GLIPR1L1: variants seen among roughly 807,000 people sequenced by gnomAD.
The protein encoded by GLIPR1L1 is GLIPR1 like 1.
In GLIPR1L1, 26 loss-of-function variants were observed where a neutral mutation model predicts 29.9. The observed-to-expected ratio is 0.87, with a 90% CI of 0.64 to 1.21. The LOEUF (loss-of-function observed/expected upper bound fraction) is 1.21. Ranked by LOEUF, GLIPR1L1 falls within the 50% of genes most tolerant of loss-of-function variation. GLIPR1L1 has a pLI of 0.00. For synonymous variants in GLIPR1L1, 77 were observed against 97.5 expected, an observed-to-expected ratio of 0.79 and a Z score of 1.24; for missense variants, 305 against 290.3, an observed-to-expected ratio of 1.05 and a Z score of -0.37.
chr12:75,349,394 G>A (rs2042659079), intron 3 of GLIPR1L1, among the ~76,000 whole-genome samples: 1 of 152,086 alleles, frequency 6.6e-6, no homozygotes, highest in Non-Finnish European at 1.5e-5. Flanking sequence ...AAAACTCAAG[G>A]AGGTTTACAG....
chr12:75,349,786 T>C (rs2139422230), intron 3 of GLIPR1L1, among the ~76,000 whole-genome samples: 1 of 152,252 alleles, frequency 6.6e-6, no homozygotes, highest in South Asian at 2.1e-4. Flanking sequence ...TGAGCCATGA[T>C]TGCCTTGAGA....
At chr12:75,350,988 T>C (rs1277033293) in intron 3 of GLIPR1L1, among the ~76,000 whole-genome samples, 1 of 152,018 alleles carries the variant, frequency 6.6e-6, no homozygotes, top group African/African-American at 2.4e-5. Context: ...AATAACCAGT[T>C]TAGAGAGGAA....
intron 1 of GLIPR1L1, 137 bp downstream of exon 1, chr12:75,335,039 C>A: frequency 1.3e-6 from 1 of 777,584 alleles, no homozygotes; most frequent in Non-Finnish European, 2.0e-6. Context: ...AAAATTCACA[C>A]CTTGGTTGGG....
intron 3 of GLIPR1L1, among the ~76,000 whole-genome samples, chr12:75,348,223 T>C (rs1030958966): frequency 6.6e-6 from 1 of 152,156 alleles, no homozygotes; most frequent in Non-Finnish European, 1.5e-5. Context: ...CCTCTAATCC[T>C]GGTGAATCTA....
intron 3 of GLIPR1L1, among the ~76,000 whole-genome samples, chr12:75,354,228 T>C (rs2043001832): frequency 6.6e-6 from 1 of 151,976 alleles, no homozygotes; most frequent in South Asian, 2.1e-4. Context: ...TGTTTGCAGA[T>C]GATATGATCC....
chr12:75,362,435 T>A (rs1210031088), intron 3 of GLIPR1L1, among the ~76,000 whole-genome samples: 1 of 152,192 alleles, frequency 6.6e-6, no homozygotes, highest in Non-Finnish European at 1.5e-5. Flanking sequence ...TATGAATGCT[T>A]TCAACATTCA....
chr12:75,353,848 A>G (rs1202279923), intron 3 of GLIPR1L1, among the ~76,000 whole-genome samples: 1 of 152,220 alleles, frequency 6.6e-6, no homozygotes, highest in Non-Finnish European at 1.5e-5. Context: ...TACGCAAATC[A>G]ATGAATGTAA....
intron 1 of GLIPR1L1, among the ~76,000 whole-genome samples, chr12:75,342,877 G>A (rs532841417): frequency 1.8e-4 from 27 of 152,044 alleles, no homozygotes; most frequent in East Asian, 1.9e-4. Context: ...TCAGCATAGA[G>A]ATCTTGTATA....
At chr12:75,337,621 T>G (rs969664713) in intron 1 of GLIPR1L1, among the ~76,000 whole-genome samples, 2 of 152,016 alleles carry the variant, frequency 1.3e-5, no homozygotes, top group African/African-American at 4.8e-5. Context: ...TGTACAATTT[T>G]TTTTACATAT....
chr12:75,361,780 C>T (rs533447409), intron 3 of GLIPR1L1, among the ~76,000 whole-genome samples: 1 of 152,212 alleles, frequency 6.6e-6, no homozygotes, highest in East Asian at 1.9e-4. Context: ...GAAACCACCC[C>T]CATAATCCAA....
chr12:75,335,414 T>C (rs927502062), intron 1 of GLIPR1L1, among the ~76,000 whole-genome samples: 9 of 152,184 alleles, frequency 5.9e-5, no homozygotes, highest in African/African-American at 2.2e-4. Flanking sequence ...CATTGGATTA[T>C]TAAATAATCC....
chr12:75,369,090 G>A (rs1270934395), intron 4 of GLIPR1L1, among the ~76,000 whole-genome samples: 1 of 151,792 alleles, frequency 6.6e-6, no homozygotes, highest in Non-Finnish European at 1.5e-5. Flanking sequence ...ACGCAATATA[G>A]CATAACAGTT....
intron 3 of GLIPR1L1, among the ~76,000 whole-genome samples, chr12:75,355,726 C>A (rs1004928804): frequency 2.0e-5 from 3 of 152,052 alleles, no homozygotes; most frequent in Non-Finnish European, 4.4e-5. Context: ...TGGAATCAAC[C>A]TAAATGCCCA....
intron 1 of GLIPR1L1, among the ~76,000 whole-genome samples, chr12:75,335,518 C>T (rs75165771): frequency 0.011 from 1,632 of 152,242 alleles, 20 homozygotes; most frequent in African/African-American, 0.032. Context: ...AAATGCATCA[C>T]TATGAGCATA....
intron 3 of GLIPR1L1, among the ~76,000 whole-genome samples, chr12:75,353,174 G>T (rs1037546060): frequency 3.3e-5 from 5 of 151,860 alleles, no homozygotes; most frequent in African/African-American, 9.6e-5. Context: ...ATACAAACAA[G>T]AAAAACCCTT....
chr12:75,362,980 T>C (rs952083518), intron 3 of GLIPR1L1, 122 bp from the exon 4 acceptor site: 2 of 525,936 alleles, frequency 3.8e-6, no homozygotes, highest in Non-Finnish European at 6.9e-6. Context: ...ATTGAGACAT[T>C]ATTATTTTTC....
At chr12:75,349,112 A>T (rs1481891695) in intron 3 of GLIPR1L1, among the ~76,000 whole-genome samples, 1 of 152,190 alleles carries the variant, frequency 6.6e-6, no homozygotes, top group East Asian at 1.9e-4. Flanking sequence ...ATATTCCTAG[A>T]GTATTGATTA....
At chr12:75,356,329 T>A (rs1208579600) in intron 3 of GLIPR1L1, among the ~76,000 whole-genome samples, 1 of 152,024 alleles carries the variant, frequency 6.6e-6, no homozygotes, top group Non-Finnish European at 1.5e-5. Flanking sequence ...AGATGATAAG[T>A]TTGTGGATAA....
At chr12:75,340,136 CAT>C (rs1008079051) in intron 1 of GLIPR1L1, among the ~76,000 whole-genome samples, 1 of 149,990 alleles carries the variant, frequency 6.7e-6, no homozygotes, top group Non-Finnish European at 1.5e-5. Flanking sequence ...TTTATACACA[CAT>C]ATATATAAAA....
Sources: gnomAD v4.1 joint callset for allele counts (sites outside exome capture counted in the v4.1 genomes callset) on GRCh38, gnomAD v4.1.1 for gene constraint, MANE v1.5 for transcripts, NCBI Gene and HGNC (gene_info 2026-07-23, HGNC 2026-07-21) for gene names.